Variants in PLEKHM3 observed in about 807,000 individuals in gnomAD.
PLEKHM3 encodes pleckstrin homology domain-containing family M member 3.
In PLEKHM3, 45 loss-of-function variants were observed where a neutral mutation model predicts 81.8. The observed-to-expected ratio is 0.55, with a 90% confidence interval of 0.43 to 0.71. The LOEUF is 0.71. Among genes scored for constraint, PLEKHM3 ranks in the 30% least tolerant of loss-of-function variants. The pLI, the probability that PLEKHM3 is intolerant of heterozygous loss-of-function variation, is 0.00. For synonymous variants in PLEKHM3, 352 were observed against 356.4 expected (o/e 0.99, Z 0.14); for missense variants, 788 against 924.3 (o/e 0.85, Z 1.91).
At chr2:208,003,570 A>C (rs1414931613) in intron 1 of PLEKHM3, among the ~76,000 whole-genome samples, 3 of 152,220 alleles carry the variant, frequency 2.0e-5, no homozygotes, top group Non-Finnish European at 4.4e-5. Context: ...CAAAGTGATA[A>C]TGATTATGAA....
intron 2 of PLEKHM3, among the ~76,000 whole-genome samples, chr2:207,985,987 CAAA>C (rs35964669): frequency 1.1e-4 from 13 of 120,868 alleles, no homozygotes; most frequent in Admixed American, 8.0e-5. Flanking sequence ...GACTCCGTCT[CAAA>C]AAAAAAAAAA....
At chr2:208,002,607 A>T (rs1050405889) in intron 1 of PLEKHM3, among the ~76,000 whole-genome samples, 2 of 152,144 alleles carry the variant, frequency 1.3e-5, no homozygotes, top group Non-Finnish European at 2.9e-5. Context: ...CTAAGAGCTT[A>T]AGGTGAAGTC....
intron 3 of PLEKHM3, among the ~76,000 whole-genome samples, chr2:207,953,566 A>C (rs1020272939): frequency 3.9e-5 from 6 of 152,118 alleles, no homozygotes; most frequent in African/African-American, 1.4e-4. Context: ...AGGTGGACAG[A>C]TCTCTTGGGG....
intron 6 of PLEKHM3, among the ~76,000 whole-genome samples, chr2:207,865,380 A>G (rs6753903): frequency 0.087 from 13,281 of 152,148 alleles, 1,930 homozygotes; most frequent in African/African-American, 0.3. Context: ...CATCACCACA[A>G]TCGATTTTAG....
At chr2:207,923,906 T>TATATATATATATATATATATATATATA (rs1491270678) in intron 5 of PLEKHM3, among the ~76,000 whole-genome samples, 1 of 59,756 alleles carries the variant, frequency 1.7e-5, no homozygotes, top group Non-Finnish European at 3.1e-5. Flanking sequence ...TATATATATA[T>TATATATATATATATATATATATATATA]TTTTTTTTTT....
At chr2:207,957,816 T>C (rs1690569864) in intron 3 of PLEKHM3, among the ~76,000 whole-genome samples, 1 of 152,200 alleles carries the variant, frequency 6.6e-6, no homozygotes, top group South Asian at 2.1e-4. Flanking sequence ...GAAGACATCA[T>C]TGTAGGCCTT....
chr2:207,979,332 C>T (rs917641878), intron 2 of PLEKHM3, among the ~76,000 whole-genome samples: 1 of 151,914 alleles, frequency 6.6e-6, no homozygotes, highest in Non-Finnish European at 1.5e-5. Context: ...GTCAGGAGTT[C>T]GAGACCAGCC....
At chr2:207,891,578 G>C (rs1211549305) in intron 6 of PLEKHM3, among the ~76,000 whole-genome samples, 1 of 152,110 alleles carries the variant, frequency 6.6e-6, no homozygotes, top group Non-Finnish European at 1.5e-5. Flanking sequence ...AATAGACCAG[G>C]GTTATTTAAA....
Position 207,841,448 on chromosome 2 carries a change from C to CA in PLEKHM3, c.2109-12953dup, listed in dbSNP as rs1206603074. On this transcript the variant is annotated intron_variant, in intron 7 of 7. Transcript: ENST00000427836. ...CGGGTGACACAGCGAGACTCCATCTCAAAAAAAAAAAAAAAAAAAAAAAAA... is the reference window on the plus strand; with the variant it reads ...CGGGTGACACAGCGAGACTCCATCTCAAAAAAAAAAAAAAAAAAAAAAAAAA... Among the ~76,000 whole-genome samples, 14 of 21,486 alleles carry CA rather than the reference C, an allele frequency of 6.5e-4. 1 individual carries two copies. The highest frequency in any genetic ancestry group is 1.1e-3 in the African/African-American group (5 of 4,644). The allele number at this position is 21,486 out of a possible 152,430, so 14.1% of individuals were successfully genotyped here.
chr2:207,984,136 G>A (rs565618236), intron 2 of PLEKHM3, among the ~76,000 whole-genome samples: 12 of 152,204 alleles, frequency 7.9e-5, no homozygotes, highest in Non-Finnish European at 1.2e-4. Context: ...TTTAAAAATC[G>A]CAAATTTCTG....
rs755965589 is a variant in PLEKHM3 at position 207,976,934 on chromosome 2, G to A, written c.1263C>T (p.Cys421=). 10 of 1,614,068 alleles carry A rather than the reference G, an allele frequency of 6.2e-6. No individual in the cohort carries two copies. The highest frequency in any genetic ancestry group is 3.3e-5 in the South Asian group (3 of 91,082). Residue 421 remains cysteine, a synonymous_variant, in exon 3 of 8, where the codon TGC becomes TGT. Transcript: ENST00000427836. The surrounding 1 kb of genome is among the most constrained non-coding windows in gnomAD (Gnocchi z 4.1). ...LAVQMDNLDG[C]DSCFQVIFPQ... ...GGAAAATGACTTGAAAGCAAGAGTC[G>A]CAGCCATCCAGGTTGTCCATCTGGA...
intron 2 of PLEKHM3, among the ~76,000 whole-genome samples, chr2:208,000,726 G>A (rs544335208): frequency 5.3e-5 from 8 of 152,224 alleles, no homozygotes; most frequent in Middle Eastern, 3.4e-3. Flanking sequence ...AAGTATGAGA[G>A]TATTCCGATT....
chr2:207,852,929 C>T, intron 7 of PLEKHM3: 1 of 398,476 alleles, frequency 2.5e-6, no homozygotes, highest in South Asian at 1.9e-5. Flanking sequence ...ACTTCTTTCT[C>T]ACTCAACATG....
intron 7 of PLEKHM3, among the ~76,000 whole-genome samples, chr2:207,837,097 G>C (rs2092323566): frequency 6.6e-6 from 1 of 152,182 alleles, no homozygotes; most frequent in Non-Finnish European, 1.5e-5. Flanking sequence ...GTAGTTACTG[G>C]ATCCTGGTTA....
At chr2:207,884,469 A>G (rs1239086444) in intron 6 of PLEKHM3, among the ~76,000 whole-genome samples, 1 of 152,218 alleles carries the variant, frequency 6.6e-6, no homozygotes, top group Non-Finnish European at 1.5e-5. Context: ...CAAAAGTTAG[A>G]AAAAAATTAA....
intron 6 of PLEKHM3, among the ~76,000 whole-genome samples, chr2:207,885,130 T>C (rs1276492310): frequency 6.6e-6 from 1 of 152,224 alleles, no homozygotes; most frequent in Non-Finnish European, 1.5e-5. Context: ...CCACTGAATC[T>C]ACGGAGCGAT....
chr2:207,892,224 G>C (rs949081928), intron 6 of PLEKHM3, among the ~76,000 whole-genome samples: 1 of 152,172 alleles, frequency 6.6e-6, no homozygotes, highest in Non-Finnish European at 1.5e-5. Context: ...CTGTAAAATA[G>C]ACTCCGTAAG....
intron 7 of PLEKHM3, among the ~76,000 whole-genome samples, chr2:207,858,174 G>GTGTGTGTGTGTGTGTGTGTGTA (rs373920637): frequency 8.1e-6 from 1 of 123,260 alleles, no homozygotes; most frequent in African/African-American, 3.5e-5. Flanking sequence ...GTGTGTGTGT[G>GTGTGTGTGTGTGTGTGTGTGTA]TATATATTTT....
At chr2:207,886,811 T>C (rs1351486863) in intron 6 of PLEKHM3, among the ~76,000 whole-genome samples, 1 of 152,258 alleles carries the variant, frequency 6.6e-6, no homozygotes, top group Non-Finnish European at 1.5e-5. Flanking sequence ...TACCAACTAA[T>C]ATTGTCTTGG....
Sources: allele counts gnomAD v4.1 joint callset (sites outside exome capture counted in the v4.1 genomes callset), GRCh38; gene constraint gnomAD v4.1.1; non-coding constraint Gnocchi (gnomAD v3.1); transcripts MANE v1.5; gene names NCBI Gene and HGNC (gene_info 2026-07-23, HGNC 2026-07-21).